Variants in ALKBH3 observed in about 807,000 individuals in gnomAD.
The protein encoded by ALKBH3 is alkB homolog 3, alpha-ketoglutarate dependent dioxygenase, also known as alpha-ketoglutarate-dependent dioxygenase alkB homolog 3.
ALKBH3 carries 51 observed loss-of-function variants against 43.9 expected under a neutral mutation model. The observed-to-expected ratio is 1.16, with a 90% CI of 0.93 to 1.47. The LOEUF (loss-of-function observed/expected upper bound fraction) is 1.47, where lower values mean the gene tolerates loss of function less well. ALKBH3 is among the 40% of genes most tolerant of loss of function. The pLI is 0.00. For missense variants in ALKBH3, 361 were observed against 351.9 expected (o/e 1.03, Z -0.21); for synonymous variants, 102 against 115.2 (o/e 0.89, Z 0.73).
At chr11:43,907,811 G>A (rs895079462) in intron 8 of ALKBH3, among the ~76,000 whole-genome samples, 1 of 152,130 alleles carries the variant, frequency 6.6e-6, no homozygotes, top group South Asian at 2.1e-4. Context: ...GCCTCAGGAA[G>A]GAGCAGATTT....
rs116269325 is a variant in ALKBH3 at position 43,910,562 on chromosome 11, A to G, written c.670-8476A>G. The G allele has an allele frequency of 2.3e-3, 357 of 152,320 alleles. 3 individuals carry two copies. The highest frequency in any genetic ancestry group is 8.3e-3 in the African/African-American group (346 of 41,578). 9.4% of individuals were successfully genotyped at this position (152,320 alleles called of 1,614,324 possible). A position where few individuals can be genotyped will look rare whatever the true frequency, so the allele number is the denominator to read the frequency against. ...TATTGTTCTTTCAGAAAAACTCCAC[A>G]CTTGCTGGTAAGTTCATTTATGTTC... is the stretch of plus-strand genomic sequence containing the variant. On this transcript the variant is annotated intron_variant, in intron 8 of 9. Transcript: ENST00000302708.
At chr11:43,881,271 C>T (rs1357302306) in intron 1 of ALKBH3, 92 bp downstream of exon 1, 1 of 152,310 alleles carries the variant, frequency 6.6e-6, no homozygotes, top group Non-Finnish European at 1.5e-5. Flanking sequence ...TTGTATTTTA[C>T]AGCACTGGTT....
At position 43,895,006 on chromosome 11, in the gene ALKBH3, C is replaced by G. The variant is rs141255582; in HGVS notation, c.459+2877C>G. 7.5e-3 allele frequency among the ~76,000 whole-genome samples: 1,141 copies of G among 152,298 alleles called. 13 individuals are homozygous for G. The highest frequency in any genetic ancestry group is 0.024 in the African/African-American group (986 of 41,554). ...TTTGCTGTTTATTTTTTAAAATCCTCTGCTTAGAATATAATATTATAATGT... is the reference window on the plus strand; with the variant it reads ...TTTGCTGTTTATTTTTTAAAATCCTGTGCTTAGAATATAATATTATAATGT... On this transcript the variant is annotated intron_variant, in intron 7 of 9. Transcript: ENST00000302708.
At chr11:43,893,356 T>TG (rs1285783747) in intron 7 of ALKBH3, among the ~76,000 whole-genome samples, 7 of 152,164 alleles carry the variant, frequency 4.6e-5, no homozygotes, top group Middle Eastern at 6.8e-3. Context: ...GTTAAACATC[T>TG]GGGGGGGCAA....
At position 43,913,957 on chromosome 11, in the gene ALKBH3, C is replaced by T. The variant is rs968320170; in HGVS notation, c.670-5081C>T. Among the ~76,000 whole-genome samples, 8 of 152,212 alleles carry T rather than the reference C, an allele frequency of 5.3e-5. No homozygotes were observed. In the South Asian group the frequency reaches 1.2e-3, roughly 24 times the overall value. The stretch of plus-strand genomic sequence containing the variant: ...GGAAAACCCAGAAGAGGGGGCAGCA[C>T]TGGGGGAACAGTGATCTGAAATGGC... On this transcript the variant is annotated intron_variant, in intron 8 of 9. Coordinates refer to ENST00000302708, the MANE Select transcript of ALKBH3 (RefSeq NM_139178.4).
chr11:43,908,470 C>T (rs1043917622), intron 8 of ALKBH3, among the ~76,000 whole-genome samples: 3 of 152,080 alleles, frequency 2.0e-5, no homozygotes, highest in Non-Finnish European at 2.9e-5. Context: ...AATGTGTTCT[C>T]ATATGCTTTC....
chr11:43,901,658 G>GC lies in ALKBH3; in HGVS notation c.606dup (p.Ile203HisfsTer14). 6.2e-7 allele frequency: 1 copy of GC among 1,614,248 alleles called. No homozygotes were observed. ...GATGATGAACCCTCACTAGGGAGGT[G>GC]CCCCATTATTGCTTCACTAAGTTTT... is the stretch of plus-strand genomic sequence containing the variant. On this transcript the variant is annotated frameshift_variant, in exon 8 of 10. Coordinates refer to ENST00000302708, the MANE Select transcript of ALKBH3 (RefSeq NM_139178.4). LOFTEE classifies it high-confidence loss of function.
chr11:43,907,960 G>A (rs955074686), intron 8 of ALKBH3, among the ~76,000 whole-genome samples: 1 of 152,214 alleles, frequency 6.6e-6, no homozygotes, highest in Admixed American at 6.5e-5. Flanking sequence ...TTAGGACATT[G>A]TTAGATTTTG....
chr11:43,882,555 C>T (rs553343513), intron 1 of ALKBH3, 28 bp from the exon 2 acceptor site: 2 of 1,084,370 alleles, frequency 1.8e-6, no homozygotes, highest in South Asian at 1.6e-5. Flanking sequence ...TAACTAAAAG[C>T]ACTGTTTTGT....
chr11:43,884,769 T>TG (rs1383060270), intron 4 of ALKBH3, among the ~76,000 whole-genome samples: 1 of 152,106 alleles, frequency 6.6e-6, no homozygotes, highest in Non-Finnish European at 1.5e-5. Flanking sequence ...TTTATTTTTT[T>TG]GGAACAGGCT....
chr11:43,918,957 TTTTTTTTTGACC>T (rs1415665793), intron 8 of ALKBH3, 69 bp from the exon 9 acceptor site: 2 of 817,356 alleles, frequency 2.4e-6, no homozygotes, highest in Non-Finnish European at 3.7e-6. Flanking sequence ...GAGGTTTCCA[TTTTTTTTTGACC>T]TCTGTCAGGT....
rs1318014013 is a variant in ALKBH3 at position 43,919,097 on chromosome 11, C to G, written c.729C>G (p.Thr243=). The G allele has an allele frequency of 2.5e-6, 4 of 1,613,220 alleles. No individual in the cohort carries two copies. Among genetic ancestry groups the G allele is most frequent in the Admixed American group, 1.7e-5 (1 of 59,986 alleles). ...ERVKIPLDHG[T]LLIMEGATQA... ...TGAAGATACCCTTGGATCATGGGAC[C>G]TTGTTAATCATGGAAGGAGCGACAC... is the stretch of plus-strand genomic sequence containing the variant. The change falls in exon 9 of 10, where the codon ACC becomes ACG. Residue 243 remains threonine, a synonymous_variant. Transcript: ENST00000302708.
chr11:43,884,375 CTTT>C (rs113557050), intron 4 of ALKBH3, among the ~76,000 whole-genome samples: 2,437 of 134,060 alleles, frequency 0.018, 34 homozygotes, highest in African/African-American at 0.04. Flanking sequence ...TTAATTGCCT[CTTT>C]TTTTTTTTTT....
intron 8 of ALKBH3, among the ~76,000 whole-genome samples, chr11:43,906,529 T>C (rs1159051890): frequency 6.6e-6 from 1 of 152,120 alleles, no homozygotes; most frequent in East Asian, 1.9e-4. Flanking sequence ...ATCTGGTGAT[T>C]ATAGCACCTA....
intron 4 of ALKBH3, 72 bp from the exon 5 acceptor site, chr11:43,886,534 G>C: frequency 2.0e-6 from 3 of 1,501,856 alleles, no homozygotes; most frequent in Non-Finnish European, 9.2e-7. Flanking sequence ...AGTTCAGAAG[G>C]ATAACTCTTC....
Position 43,920,052 on chromosome 11 carries a change from A to G in ALKBH3, c.*42A>G, listed in dbSNP as rs772721637. The G allele has an allele frequency of 1.3e-6, 2 of 1,557,746 alleles. No individual in the cohort carries two copies. The highest frequency in any genetic ancestry group is 2.2e-5 in the South Asian group (2 of 89,504). On this transcript the variant is annotated 3_prime_UTR_variant, in exon 10 of 10. Coordinates refer to ENST00000302708, the MANE Select transcript of ALKBH3 (RefSeq NM_139178.4). ...GAGAAGCTTCACTGAAACGGAGCAA[A>G]CCTTCCACTGAGAAGCCACTTCAAG...
rs1395036706 is a variant in ALKBH3, at chr11:43,920,015, A to G, written c.*5A>G. On this transcript the variant is annotated 3_prime_UTR_variant, in exon 10 of 10. Coordinates refer to ENST00000302708, the MANE Select transcript of ALKBH3 (RefSeq NM_139178.4). ...CCTCGAGGGGCACCCTGGTGACGTC[A>G]GAGCTTTGAGAGAGAAGCTTCACTG... 4 of 1,610,424 alleles carry G rather than the reference A, an allele frequency of 2.5e-6. No homozygotes were observed. Among genetic ancestry groups the G allele is most frequent in the Non-Finnish European group, 3.4e-6 (4 of 1,176,788 alleles).
intron 5 of ALKBH3, 49 bp from the exon 6 acceptor site, chr11:43,889,676 A>C: frequency 6.6e-7 from 1 of 1,521,682 alleles, no homozygotes; most frequent in Non-Finnish European, 9.1e-7. Context: ...TTAGAGTCTA[A>C]CTTATCTTTT....
In ALKBH3 at chr11:43,887,978, T is replaced by C. The variant is rs528192432; in HGVS notation, c.266+1325T>C. 1.6e-4 allele frequency among the ~76,000 whole-genome samples: 24 copies of C among 152,000 alleles called. No individual in the cohort carries two copies. In the East Asian group the frequency reaches 3.1e-3, roughly 20 times the overall value. ...TAATTTTTTTTTTTTTTTGTATTTT[T>C]AGTAGAGACGAGGTTTCACCGTGTT... On this transcript the variant is annotated intron_variant, in intron 5 of 9. Transcript: ENST00000302708.
Sources: allele counts gnomAD v4.1 joint callset (sites outside exome capture counted in the v4.1 genomes callset), GRCh38; gene constraint gnomAD v4.1.1; transcripts MANE v1.5; gene names NCBI Gene and HGNC (gene_info 2026-07-23, HGNC 2026-07-21).